The following TLK2 variants were observed in gnomAD, a reference collection of about 807,000 sequenced individuals.
TLK2 encodes the protein serine/threonine-protein kinase tousled-like 2.
In TLK2, 6 loss-of-function variants were observed where a neutral mutation model predicts 117.3. The ratio of observed to expected loss-of-function variants is 0.05; its 90% CI spans 0.03 to 0.10. TLK2 has a LOEUF of 0.10. Among genes scored for constraint, TLK2 ranks in the 10% least tolerant of loss-of-function variants. The pLI, the probability that TLK2 is intolerant of heterozygous loss-of-function variation, is 1.00. For synonymous variants in TLK2, 257 were observed against 316.7 expected (o/e 0.81, Z 2.00); for missense variants, 299 against 901.2 (o/e 0.33, Z 8.56).
chr17:62,578,711 C>CGTAT (rs1179871728), intron 14 of TLK2, 137 bp downstream of exon 14: 1 of 622,868 alleles, frequency 1.6e-6, no homozygotes, highest in Non-Finnish European at 2.7e-6. Flanking sequence ...TTTGTAGCAT[C>CGTAT]TAATACAATT....
intron 16 of TLK2, among the ~76,000 whole-genome samples, chr17:62,588,117 C>T (rs952710368): frequency 2.7e-5 from 4 of 148,464 alleles, no homozygotes; most frequent in Admixed American, 1.3e-4. Flanking sequence ...ATAAAATATA[C>T]GTATACATCT....
chr17:62,544,898 A>G (rs1197444552), intron 7 of TLK2, among the ~76,000 whole-genome samples: 6 of 152,226 alleles, frequency 3.9e-5, no homozygotes, highest in Non-Finnish European at 4.4e-5. Context: ...CTTGCAATAT[A>G]TAGTCCTATA....
intron 7 of TLK2, among the ~76,000 whole-genome samples, chr17:62,546,967 C>T (rs2077994593): frequency 6.6e-6 from 1 of 152,128 alleles, no homozygotes; most frequent in Non-Finnish European, 1.5e-5. Flanking sequence ...CTTTGATAAT[C>T]TTATTTTGTC....
At chr17:62,590,171 C>T (rs1567981977) in intron 16 of TLK2, among the ~76,000 whole-genome samples, 1 of 149,458 alleles carries the variant, frequency 6.7e-6, no homozygotes, top group Non-Finnish European at 1.5e-5. Context: ...GTGGCTCACG[C>T]CTGTAATCCC....
intron 2 of TLK2, among the ~76,000 whole-genome samples, chr17:62,511,697 A>T (rs2145260158): frequency 6.6e-6 from 1 of 152,120 alleles, no homozygotes; most frequent in East Asian, 1.9e-4. Flanking sequence ...GGCTTTTTTC[A>T]CTTGGCATAA....
chr17:62,472,015 C>T (rs1300964370), intron 1 of TLK2, among the ~76,000 whole-genome samples: 1 of 143,572 alleles, frequency 7.0e-6, no homozygotes, highest in African/African-American at 2.6e-5. Context: ...GTGCCATTCT[C>T]CTGCCTCAGC....
chr17:62,614,900 A>G lies in TLK2; in HGVS notation c.*2335A>G, dbSNP rs1420399142. The G allele has an allele frequency of 6.6e-6, 1 of 152,240 alleles. No homozygotes were observed. The highest frequency in any genetic ancestry group is 1.5e-5 in the Non-Finnish European group (1 of 68,040). The allele number at this position is 152,240 out of a possible 1,614,324, so 9.4% of individuals were successfully genotyped here. The stretch of plus-strand genomic sequence containing the variant: ...GACCGTGTTCAAACTCACTGAAAAC[A>G]ATGAAGTTCTATTCCTTTTTTCTTC... On this transcript the variant is annotated 3_prime_UTR_variant, in exon 22 of 22. Coordinates refer to ENST00000346027, the MANE Select transcript of TLK2 (RefSeq NM_006852.6).
In TLK2 at chr17:62,602,026, G is replaced by T; in HGVS notation, c.1721-16G>T. 1 of 1,606,234 alleles carries T rather than the reference G, an allele frequency of 6.2e-7. No homozygotes were observed. Among genetic ancestry groups the T allele is most frequent in the Non-Finnish European group, 8.5e-7 (1 of 1,177,346 alleles). On this transcript the variant is annotated splice_polypyrimidine_tract_variant and intron_variant, in intron 18 of 21. Transcript: ENST00000346027. ...CAGTAAGTCTCTGCTTATTCATGAA[G>T]GTTTTTATTTTTTAGGTAATATTCT...
chr17:62,568,404 G>A (rs572812743), intron 11 of TLK2, among the ~76,000 whole-genome samples: 2 of 145,430 alleles, frequency 1.4e-5, no homozygotes, highest in Non-Finnish European at 3.0e-5. Context: ...TGCACTCCAG[G>A]CTGGGTGACA....
At chr17:62,481,232 C>T (rs1451369695) in intron 2 of TLK2, 26 bp downstream of exon 2, 5 of 1,611,348 alleles carry the variant, frequency 3.1e-6, no homozygotes, top group Admixed American at 1.7e-5. Context: ...ATCATGAACA[C>T]TATTCATATT....
At chr17:62,578,958 G>A (rs1342488075) in intron 14 of TLK2, among the ~76,000 whole-genome samples, 1 of 152,164 alleles carries the variant, frequency 6.6e-6, no homozygotes, top group Non-Finnish European at 1.5e-5. Flanking sequence ...GGGTTGAGAT[G>A]ACACTCGGTT....
intron 1 of TLK2, among the ~76,000 whole-genome samples, chr17:62,471,502 A>C (rs1388899949): frequency 6.6e-6 from 1 of 152,196 alleles, no homozygotes; most frequent in East Asian, 1.9e-4. Flanking sequence ...GTCAAGTCCA[A>C]TCTGGAGGCT....
intron 11 of TLK2, among the ~76,000 whole-genome samples, chr17:62,566,250 T>C (rs2079786456): frequency 6.6e-6 from 1 of 152,148 alleles, no homozygotes; most frequent in Non-Finnish European, 1.5e-5. Context: ...TTCTTTCCTG[T>C]GTTTTTTTGC....
chr17:62,513,011 TG>T (rs1471933307), intron 2 of TLK2, among the ~76,000 whole-genome samples: 6 of 151,508 alleles, frequency 4.0e-5, no homozygotes, highest in Non-Finnish European at 4.4e-5. Context: ...CCCAGGTAGC[TG>T]GGATTACAGG....
At chr17:62,522,362 A>G (rs2076102224) in intron 4 of TLK2, 89 bp downstream of exon 4, 3 of 1,371,064 alleles carry the variant, frequency 2.2e-6, no homozygotes, top group African/African-American at 1.5e-5. Context: ...TAGTTTGTAC[A>G]CAGGGATTCC....
chr17:62,475,395 T>C (rs1443122910), upstream of TLK2, among the ~76,000 whole-genome samples: 2 of 152,154 alleles, frequency 1.3e-5, no homozygotes, highest in Non-Finnish European at 2.9e-5. Flanking sequence ...CCAGGTGGAC[T>C]GCAGTGGCAC....
At chr17:62,510,024 A>G (rs1322168000) in intron 2 of TLK2, among the ~76,000 whole-genome samples, 1 of 152,190 alleles carries the variant, frequency 6.6e-6, no homozygotes, top group Non-Finnish European at 1.5e-5. Context: ...CATGCCTGTA[A>G]TCCCAGCACT....
upstream of TLK2, among the ~76,000 whole-genome samples, chr17:62,478,607 G>A (rs536129881): frequency 8.5e-4 from 129 of 150,944 alleles, 1 homozygote; most frequent in African/African-American, 3.0e-3. Context: ...TCCTCCGCCG[G>A]CGCGGGGTCC....
rs146988325 is a variant in TLK2 at position 62,601,918 on chromosome 17, G to A, written c.1721-124G>A. 3.6e-3 allele frequency: 2,981 copies of A among 824,854 alleles called. 13 individuals are homozygous for A. The highest frequency in any genetic ancestry group is 7.8e-3 in the Middle Eastern group (21 of 2,688). The allele number at this position is 824,854 out of a possible 1,614,324, so 51.1% of individuals were successfully genotyped here. ...CAGAGTCCAGATTGCTTGATTCCCA[G>A]GATTTGGATGTTTGCTTTTGCAAGA... On this transcript the variant is annotated intron_variant, in intron 18 of 21. Coordinates refer to ENST00000346027, the MANE Select transcript of TLK2 (RefSeq NM_006852.6).
Sources: allele counts gnomAD v4.1 joint callset (sites outside exome capture counted in the v4.1 genomes callset), GRCh38; gene constraint gnomAD v4.1.1; transcripts MANE v1.5; gene names NCBI Gene and HGNC (gene_info 2026-07-23, HGNC 2026-07-21).